Variants in SOX6 observed in about 807,000 individuals in gnomAD.
SOX6 encodes the protein SRY-box transcription factor 6.
A neutral mutation model predicts 97.8 loss-of-function variants in SOX6; 11 were observed. The ratio of observed to expected loss-of-function variants is 0.11; its 90% confidence interval spans 0.07 to 0.19. The LOEUF (loss-of-function observed/expected upper bound fraction) is 0.19, where lower values mean the gene tolerates loss of function less well. SOX6 is among the 10% of genes least tolerant of loss of function. The pLI is 1.00. For synonymous variants in SOX6, 360 were observed against 371.4 expected (o/e 0.97, Z 0.35); for missense variants, 810 against 1,039.5 (o/e 0.78, Z 3.04).
At chr11:16,068,705 T>G (rs1266045667) in intron 9 of SOX6, among the ~76,000 whole-genome samples, 1 of 152,158 alleles carries the variant, frequency 6.6e-6, no homozygotes, top group Non-Finnish European at 1.5e-5. Flanking sequence ...TTTCCTTTCT[T>G]ATTAAAACTA....
At chr11:16,461,065 G>A (rs1859915758) in intron 1 of SOX6, among the ~76,000 whole-genome samples, 1 of 152,038 alleles carries the variant, frequency 6.6e-6, no homozygotes. Context: ...TTTCAGAGAG[G>A]ATCTAATTTA....
intron 6 of SOX6, among the ~76,000 whole-genome samples, chr11:16,120,874 T>C (rs1275679799): frequency 6.6e-6 from 1 of 152,086 alleles, no homozygotes; most frequent in East Asian, 1.9e-4. Context: ...TTTCCAACTC[T>C]CTTCCATAGT....
chr11:16,383,606 A>G (rs1590174996), intron 1 of SOX6, among the ~76,000 whole-genome samples: 1 of 151,974 alleles, frequency 6.6e-6, no homozygotes, highest in Non-Finnish European at 1.5e-5. Flanking sequence ...CACAGTGCCT[A>G]GCATATACTA....
intron 12 of SOX6, among the ~76,000 whole-genome samples, chr11:16,044,093 A>T (rs1490159918): frequency 6.6e-6 from 1 of 152,122 alleles, no homozygotes; most frequent in Non-Finnish European, 1.5e-5. Context: ...ATGGGGTCTC[A>T]CTATGCTGTA....
intron 9 of SOX6, among the ~76,000 whole-genome samples, chr11:16,073,990 G>T (rs1333056507): frequency 6.6e-6 from 1 of 152,050 alleles, no homozygotes; most frequent in East Asian, 1.9e-4. Flanking sequence ...CAAAAAGTTA[G>T]ACAGATCTCA....
chr11:16,619,361 G>C (rs530808498), intron 3 of SOX6, among the ~76,000 whole-genome samples: 8 of 151,278 alleles, frequency 5.3e-5, no homozygotes, highest in Admixed American at 4.0e-4. Context: ...ATAGTCATTT[G>C]GGTATTTTTC....
chr11:16,087,656 C>G (rs1044541702), intron 9 of SOX6, among the ~76,000 whole-genome samples: 7 of 151,938 alleles, frequency 4.6e-5, no homozygotes, highest in Non-Finnish European at 8.8e-5. Context: ...TCTAATAGGT[C>G]TTAATTTTAA....
At chr11:16,422,813 C>A (rs1859044781) in intron 1 of SOX6, among the ~76,000 whole-genome samples, 1 of 152,060 alleles carries the variant, frequency 6.6e-6, no homozygotes, top group African/African-American at 2.4e-5. Flanking sequence ...CTCAAAAAAC[C>A]TTTATTTTTT....
At chr11:16,167,133 T>C (rs752168643) in intron 6 of SOX6, among the ~76,000 whole-genome samples, 6 of 152,194 alleles carry the variant, frequency 3.9e-5, no homozygotes, top group African/African-American at 1.4e-4. Context: ...CACTAAACTT[T>C]TGATATTCTC....
chr11:16,333,597 A>G (rs914432800), intron 2 of SOX6, among the ~76,000 whole-genome samples: 1 of 151,872 alleles, frequency 6.6e-6, no homozygotes, highest in African/African-American at 2.4e-5. Flanking sequence ...TAAAAGGTTT[A>G]TTTAAAAAAA....
chr11:16,510,541 C>G (rs1860862871), intron 4 of SOX6, among the ~76,000 whole-genome samples: 1 of 151,878 alleles, frequency 6.6e-6, no homozygotes, highest in African/African-American at 2.4e-5. Flanking sequence ...TTTGATTACA[C>G]CACATTTTTA....
intron 3 of SOX6, among the ~76,000 whole-genome samples, chr11:16,267,937 G>A (rs554737396): frequency 6.6e-6 from 1 of 151,530 alleles, no homozygotes; most frequent in South Asian, 2.1e-4. Flanking sequence ...AGTCAAATAA[G>A]CCAAACACAG....
chr11:16,254,540 C>T (rs992140588), intron 3 of SOX6, among the ~76,000 whole-genome samples: 1 of 151,948 alleles, frequency 6.6e-6, no homozygotes, highest in African/African-American at 2.4e-5. Context: ...CCTTGTGATG[C>T]AGTATAGTTA....
intron 3 of SOX6, among the ~76,000 whole-genome samples, chr11:16,675,926 A>G (rs547610000): frequency 6.6e-6 from 1 of 152,288 alleles, no homozygotes. Context: ...GTTATCTTAC[A>G]TGGAGTTTGT....
chr11:16,267,667 A>G (rs938942176), intron 3 of SOX6, among the ~76,000 whole-genome samples: 3 of 151,746 alleles, frequency 2.0e-5, no homozygotes, highest in South Asian at 4.1e-4. Context: ...TATAATTAAC[A>G]TATAATCCAG....
intron 3 of SOX6, among the ~76,000 whole-genome samples, chr11:16,711,414 C>T (rs956651333): frequency 2.8e-5 from 3 of 107,744 alleles, no homozygotes; most frequent in African/African-American, 8.0e-5. Flanking sequence ...GTCCCAGCTA[C>T]TGGGGGGTGG....
At chr11:16,286,878 A>T (rs1276413703) in intron 3 of SOX6, among the ~76,000 whole-genome samples, 1 of 152,094 alleles carries the variant, frequency 6.6e-6, no homozygotes. Flanking sequence ...AACAGATGAA[A>T]TATTTATGAT....
chr11:16,313,241 T>C lies in SOX6; in HGVS notation c.445+5205A>G, dbSNP rs187262072. The C allele has an allele frequency of 7.9e-5, 12 of 152,304 alleles. No homozygotes were observed. The East Asian group carries it at 1.3e-3, about 17-fold the overall frequency. The allele number at this position is 152,304 out of a possible 1,614,324, so 9.4% of individuals were successfully genotyped here. A position where few individuals can be genotyped will look rare whatever the true frequency, so the allele number is the denominator to read the frequency against. ...GAGTTTTTGTTTCATCATGCAAATA[T>C]AGTTTTTAAAAGGACCATAATGAAC... On this transcript the variant is annotated intron_variant, in intron 3 of 15. Coordinates refer to ENST00000683767, the MANE Select transcript of SOX6 (RefSeq NM_001367873.1).
At chr11:16,215,629 A>G (rs1852352177) in intron 4 of SOX6, among the ~76,000 whole-genome samples, 1 of 152,194 alleles carries the variant, frequency 6.6e-6, no homozygotes, top group South Asian at 2.1e-4. Context: ...CCAGAATAAT[A>G]TGAAATAATC....
Sources: allele counts gnomAD v4.1 joint callset (sites outside exome capture counted in the v4.1 genomes callset), GRCh38; gene constraint gnomAD v4.1.1; transcripts MANE v1.5; gene names NCBI Gene and HGNC (gene_info 2026-07-23, HGNC 2026-07-21).